The following UBE2H variants were observed in gnomAD, a reference collection of about 807,000 sequenced individuals.
UBE2H encodes ubiquitin conjugating enzyme E2 H.
UBE2H carries 3 observed loss-of-function variants against 29.0 expected under a neutral mutation model. The ratio of observed to expected loss-of-function variants is 0.10; its 90% CI spans 0.05 to 0.27. The LOEUF (loss-of-function observed/expected upper bound fraction) is 0.27, where lower values mean the gene tolerates loss of function less well. Among genes scored for constraint, UBE2H ranks in the 10% least tolerant of loss-of-function variants. UBE2H has a pLI of 1.00. For missense variants in UBE2H, 68 were observed against 228.2 expected (o/e 0.30, Z 4.52); for synonymous variants, 69 against 82.9 (o/e 0.83, Z 0.91).
chr7:129,883,083 AT>A (rs1806286542), intron 1 of UBE2H, among the ~76,000 whole-genome samples: 1 of 152,246 alleles, frequency 6.6e-6, no homozygotes, highest in East Asian at 1.9e-4. Flanking sequence ...AGTCCAATTC[AT>A]TAAAGAAGTT....
intron 1 of UBE2H, among the ~76,000 whole-genome samples, chr7:129,931,951 G>GT (rs1343995222): frequency 6.7e-6 from 1 of 149,782 alleles, no homozygotes; most frequent in Admixed American, 6.8e-5. Context: ...AGCCTCCCCA[G>GT]TAACAGGGAT....
At chr7:129,928,889 T>C (rs993168471) in intron 1 of UBE2H, among the ~76,000 whole-genome samples, 2 of 152,222 alleles carry the variant, frequency 1.3e-5, no homozygotes, top group Admixed American at 6.5e-5. Context: ...GTTTTACACT[T>C]TGTTTTAAAA....
chr7:129,944,386 A>T (rs1433408523), intron 1 of UBE2H, among the ~76,000 whole-genome samples: 1 of 152,144 alleles, frequency 6.6e-6, no homozygotes, highest in African/African-American at 2.4e-5. Flanking sequence ...AAAACACACA[A>T]GTGAAACAAC....
At chr7:129,856,262 T>G (rs1805703354) in intron 5 of UBE2H, among the ~76,000 whole-genome samples, 1 of 152,106 alleles carries the variant, frequency 6.6e-6, no homozygotes, top group African/African-American at 2.4e-5. Flanking sequence ...GTCGTACAAG[T>G]TCAACAAGAA....
At chr7:129,866,428 C>A (rs1415315973) in intron 3 of UBE2H, among the ~76,000 whole-genome samples, 1 of 152,152 alleles carries the variant, frequency 6.6e-6, no homozygotes, top group East Asian at 1.9e-4. Flanking sequence ...TTTTGGGAGA[C>A]TAACTTCTGT....
At chr7:129,893,314 G>A (rs1806539122) in intron 1 of UBE2H, among the ~76,000 whole-genome samples, 1 of 152,074 alleles carries the variant, frequency 6.6e-6, no homozygotes, top group African/African-American at 2.4e-5. Flanking sequence ...CTATAACTTG[G>A]CTTTTCCCTG....
intron 1 of UBE2H, among the ~76,000 whole-genome samples, chr7:129,916,131 G>A (rs916070397): frequency 3.3e-5 from 5 of 152,088 alleles, no homozygotes; most frequent in Non-Finnish European, 7.4e-5. Flanking sequence ...AATGACTTCA[G>A]CTTTTTTTAT....
At chr7:129,898,946 C>T (rs186823863) in intron 1 of UBE2H, among the ~76,000 whole-genome samples, 182 of 152,206 alleles carry the variant, frequency 1.2e-3, no homozygotes, top group Non-Finnish European at 1.7e-3. Context: ...TATATACACA[C>T]ACATCCACGT....
chr7:129,948,202 C>CATGA (rs1807803458), intron 1 of UBE2H, among the ~76,000 whole-genome samples: 1 of 151,604 alleles, frequency 6.6e-6, no homozygotes, highest in Admixed American at 6.6e-5. Context: ...GTTGCCCAGG[C>CATGA]ATGAGTGCAG....
At chr7:129,865,274 G>T (rs1038537216) in intron 3 of UBE2H, among the ~76,000 whole-genome samples, 1 of 152,060 alleles carries the variant, frequency 6.6e-6, no homozygotes, top group Non-Finnish European at 1.5e-5. Flanking sequence ...TGAAAAACTG[G>T]TTTTTATTTC....
At chr7:129,848,137 T>C (rs549662038) in intron 5 of UBE2H, among the ~76,000 whole-genome samples, 1 of 152,122 alleles carries the variant, frequency 6.6e-6, no homozygotes, top group African/African-American at 2.4e-5. Context: ...CCTGGAGAAC[T>C]GCTTGAACTC....
chr7:129,868,397 G>A (rs1302938336), intron 3 of UBE2H, among the ~76,000 whole-genome samples: 1 of 150,872 alleles, frequency 6.6e-6, no homozygotes, highest in Non-Finnish European at 1.5e-5. Context: ...TGGCTAACAA[G>A]GTGAAACCCC....
intron 3 of UBE2H, among the ~76,000 whole-genome samples, chr7:129,873,733 C>T (rs1051263787): frequency 2.6e-5 from 4 of 152,070 alleles, no homozygotes; most frequent in African/African-American, 9.7e-5. Flanking sequence ...CCACTGCGCT[C>T]GGCCTCACAT....
At chr7:129,950,205 C>T (rs534576854) in intron 1 of UBE2H, among the ~76,000 whole-genome samples, 52 of 152,248 alleles carry the variant, frequency 3.4e-4, no homozygotes, top group African/African-American at 1.2e-3. Context: ...AAAATAAACA[C>T]GAAACAAAGA....
chr7:129,888,767 G>A (rs1162896839), intron 1 of UBE2H, among the ~76,000 whole-genome samples: 5 of 152,192 alleles, frequency 3.3e-5, no homozygotes, highest in East Asian at 1.9e-4. Context: ...GAGCCACCAC[G>A]CCCAGCCACA....
At chr7:129,865,887 T>C (rs1805894962) in intron 3 of UBE2H, among the ~76,000 whole-genome samples, 1 of 152,184 alleles carries the variant, frequency 6.6e-6, no homozygotes, top group Non-Finnish European at 1.5e-5. Flanking sequence ...GGTAATAACT[T>C]GGATCTCTGT....
chr7:129,918,739 C>T (rs1214087822), intron 1 of UBE2H, among the ~76,000 whole-genome samples: 1 of 152,108 alleles, frequency 6.6e-6, no homozygotes, highest in African/African-American at 2.4e-5. Flanking sequence ...TCACAACCAG[C>T]CTATACAATG....
At chr7:129,924,631 C>CACACACACACACAT in intron 1 of UBE2H, among the ~76,000 whole-genome samples, 1 of 151,920 alleles carries the variant, frequency 6.6e-6, no homozygotes, top group Non-Finnish European at 1.5e-5. Context: ...CACACACACA[C>CACACACACACACAT]ACACACACAC....
chr7:129,902,908 T>A (rs1212629360), intron 1 of UBE2H, among the ~76,000 whole-genome samples: 5 of 152,202 alleles, frequency 3.3e-5, no homozygotes, highest in Admixed American at 6.5e-5. Flanking sequence ...CATCGTTTAA[T>A]CCTCTCAACA....
Sources: gnomAD v4.1 joint callset for allele counts (sites outside exome capture counted in the v4.1 genomes callset) on GRCh38, gnomAD v4.1.1 for gene constraint, MANE v1.5 for transcripts, NCBI Gene and HGNC (gene_info 2026-07-23, HGNC 2026-07-21) for gene names.